The following NBEA variants were observed in gnomAD, a reference collection of about 807,000 sequenced individuals.
The protein encoded by NBEA is neurobeachin.
In NBEA, 44 loss-of-function variants were observed where a neutral mutation model predicts 343.4. The observed-to-expected ratio is 0.13, with a 90% CI of 0.10 to 0.16. The LOEUF (loss-of-function observed/expected upper bound fraction) is 0.16. NBEA is among the 10% of genes least tolerant of loss of function. The probability of loss-of-function intolerance (pLI) is 1.00; values close to 1 mark genes in which losing one functional copy is unlikely to be tolerated. For synonymous variants in NBEA, 1,175 were observed against 1,238.7 expected (o/e 0.95, Z 1.08); for missense variants, 2,555 against 3,631.3 (o/e 0.70, Z 7.62).
At chr13:35,045,760 T>C (rs1318102212) in intron 4 of NBEA, among the ~76,000 whole-genome samples, 1 of 151,952 alleles carries the variant, frequency 6.6e-6, no homozygotes, top group Admixed American at 6.6e-5. Context: ...GACGGAGGCT[T>C]GCTGTCACCC....
chr13:35,080,961 G>A (rs558704017), intron 10 of NBEA, among the ~76,000 whole-genome samples: 32 of 152,278 alleles, frequency 2.1e-4, no homozygotes, highest in Admixed American at 6.5e-4. Flanking sequence ...AGGATCCAAT[G>A]TCAGACCAAA....
intron 30 of NBEA, among the ~76,000 whole-genome samples, chr13:35,190,362 G>T (rs1423291570): frequency 6.6e-6 from 1 of 152,104 alleles, no homozygotes; most frequent in Non-Finnish European, 1.5e-5. Flanking sequence ...GACCTGAGAA[G>T]GCCTCAGTCT....
At chr13:35,017,165 T>A (rs1452041382) in intron 1 of NBEA, among the ~76,000 whole-genome samples, 2 of 152,234 alleles carry the variant, frequency 1.3e-5, no homozygotes, top group East Asian at 3.9e-4. Context: ...AGTGCTTCAT[T>A]TATAGTGGTG....
At chr13:35,223,185 T>A (rs996726221) in intron 33 of NBEA, among the ~76,000 whole-genome samples, 3 of 152,170 alleles carry the variant, frequency 2.0e-5, no homozygotes, top group Non-Finnish European at 4.4e-5. Context: ...AGACAGTGAA[T>A]TTTATTTTAG....
At chr13:35,227,823 ATG>A (rs2074742524) in intron 33 of NBEA, among the ~76,000 whole-genome samples, 1 of 152,060 alleles carries the variant, frequency 6.6e-6, no homozygotes, top group African/African-American at 2.4e-5. Flanking sequence ...AGAATACACA[ATG>A]TATGTAGGGC....
intron 38 of NBEA, among the ~76,000 whole-genome samples, chr13:35,369,403 T>C (rs1429188277): frequency 6.6e-6 from 1 of 151,826 alleles, no homozygotes; most frequent in Non-Finnish European, 1.5e-5. Context: ...TTTTAGGACT[T>C]TTTGTCTATT....
At chr13:35,069,532 TGCCAG>T (rs2063785004) in intron 8 of NBEA, among the ~76,000 whole-genome samples, 1 of 152,154 alleles carries the variant, frequency 6.6e-6, no homozygotes, top group South Asian at 2.1e-4. Flanking sequence ...GTAATTCATG[TGCCAG>T]GCACTGTTTA....
At chr13:35,479,063 G>T (rs902606138) in intron 41 of NBEA, among the ~76,000 whole-genome samples, 29 of 152,374 alleles carry the variant, frequency 1.9e-4, no homozygotes, top group African/African-American at 6.7e-4. Flanking sequence ...TGCAACCAGC[G>T]CCTTTTCACT....
intron 17 of NBEA, among the ~76,000 whole-genome samples, chr13:35,134,346 G>T (rs1191618520): frequency 1.3e-5 from 2 of 151,470 alleles, no homozygotes; most frequent in African/African-American, 2.4e-5. Context: ...ATACTTCATG[G>T]CTAAAGAAGA....
intron 1 of NBEA, among the ~76,000 whole-genome samples, chr13:34,961,700 G>A (rs1486406895): frequency 6.6e-6 from 1 of 152,028 alleles, no homozygotes; most frequent in Admixed American, 6.6e-5. Flanking sequence ...GCAATGAGAT[G>A]TGTAAATTCT....
intron 38 of NBEA, among the ~76,000 whole-genome samples, chr13:35,427,909 C>T (rs1365134790): frequency 1.3e-5 from 2 of 152,192 alleles, no homozygotes; most frequent in Admixed American, 1.3e-4. Context: ...GAGCGAGACT[C>T]TATGGGCGTA....
At chr13:35,040,541 T>C (rs1217863626) in intron 1 of NBEA, among the ~76,000 whole-genome samples, 2 of 152,112 alleles carry the variant, frequency 1.3e-5, no homozygotes, top group Non-Finnish European at 2.9e-5. Flanking sequence ...GTAAGACTAG[T>C]AATGTCAAAA....
At chr13:35,341,787 A>G (rs373208448) in intron 36 of NBEA, among the ~76,000 whole-genome samples, 1 of 152,204 alleles carries the variant, frequency 6.6e-6, no homozygotes, top group East Asian at 1.9e-4. Context: ...AGAATGTGAA[A>G]TAGTACAGCC....
intron 41 of NBEA, among the ~76,000 whole-genome samples, chr13:35,516,954 AT>A (rs1018728394): frequency 6.6e-6 from 1 of 152,110 alleles, no homozygotes; most frequent in African/African-American, 2.4e-5. Context: ...TCAAATCTAA[AT>A]TTTCCTGGTT....
At chr13:34,973,193 T>C (rs1566107687) in intron 1 of NBEA, among the ~76,000 whole-genome samples, 1 of 151,582 alleles carries the variant, frequency 6.6e-6, no homozygotes, top group Non-Finnish European at 1.5e-5. Flanking sequence ...CCCAGGGAGG[T>C]ACAGACTTGT....
At chr13:35,371,748 G>T (rs1231670518) in intron 38 of NBEA, among the ~76,000 whole-genome samples, 5 of 152,036 alleles carry the variant, frequency 3.3e-5, no homozygotes. Context: ...CTAATTTTTT[G>T]AATTTGCTTT....
At chr13:35,351,201 A>C (rs1037887259) in intron 37 of NBEA, among the ~76,000 whole-genome samples, 1 of 152,064 alleles carries the variant, frequency 6.6e-6, no homozygotes, top group East Asian at 1.9e-4. Flanking sequence ...AGATTTTTGC[A>C]TAGTAATGAT....
At chr13:35,204,946 C>T (rs191696217) in intron 31 of NBEA, among the ~76,000 whole-genome samples, 3 of 152,118 alleles carry the variant, frequency 2.0e-5, no homozygotes, top group Middle Eastern at 3.4e-3. Context: ...GTGTAACAAT[C>T]TGATAGAAGA....
chr13:35,223,609 A>G (rs945128579), intron 33 of NBEA, among the ~76,000 whole-genome samples: 3 of 151,862 alleles, frequency 2.0e-5, no homozygotes, highest in African/African-American at 7.3e-5. Flanking sequence ...ATATTTTTTT[A>G]CTTATTTACT....
Sources: gnomAD v4.1 joint callset for allele counts (sites outside exome capture counted in the v4.1 genomes callset) on GRCh38, gnomAD v4.1.1 for gene constraint, MANE v1.5 for transcripts, NCBI Gene and HGNC (gene_info 2026-07-23, HGNC 2026-07-21) for gene names.